ADAMTS12: variants seen among roughly 807,000 people sequenced by gnomAD.
ADAMTS12 encodes ADAM metallopeptidase with thrombospondin type 1 motif 12, also known as A disintegrin and metalloproteinase with thrombospondin motifs 12.
ADAMTS12 carries 118 observed loss-of-function variants against 167.8 expected under a neutral mutation model. The observed-to-expected ratio is 0.70, with a 90% CI of 0.61 to 0.82. ADAMTS12 has a LOEUF of 0.82. Ranked by LOEUF, ADAMTS12 falls within the 40% of genes least tolerant of loss-of-function variation. ADAMTS12 has a pLI of 0.00. For missense variants in ADAMTS12, 1,916 were observed against 1,998.8 expected (o/e 0.96, Z 0.79); for synonymous variants, 704 against 716.9 (o/e 0.98, Z 0.29).
rs199640412 is a variant in ADAMTS12 at position 33,849,366 on chromosome 5, A to AAT, written c.489+31751_489+31752dup. Among the ~76,000 whole-genome samples, 939 of 115,722 alleles carry AAT rather than the reference A, an allele frequency of 8.1e-3. 107 individuals are homozygous for AAT. The highest frequency in any genetic ancestry group is 0.027 in the African/African-American group (534 of 19,780). The allele number at this position is 115,722 out of a possible 152,430, so 75.9% of individuals were successfully genotyped here. A position where few individuals can be genotyped will look rare whatever the true frequency, so the allele number is the denominator to read the frequency against. On this transcript the variant is annotated intron_variant, in intron 2 of 23. Coordinates refer to ENST00000504830, the MANE Select transcript of ADAMTS12 (RefSeq NM_030955.4). ...GCAATATATATATGTATTGAATAGC[A>AAT]ATATATATATGTATTGCACAGCAAT... is the stretch of plus-strand genomic sequence containing the variant.
In ADAMTS12 at chr5:33,524,565, A is replaced by G. The variant is rs1743719258; in HGVS notation, c.*2623T>C. ...CTTCATATCAGCACCCAAGTATCAAAGATGTAAGATACCATGCAGGTTCCT... is the reference window on the plus strand; with the variant it reads ...CTTCATATCAGCACCCAAGTATCAAGGATGTAAGATACCATGCAGGTTCCT... On this transcript the variant is annotated 3_prime_UTR_variant, in exon 24 of 24. Transcript: ENST00000504830. The G allele has an allele frequency of 6.6e-6, 1 of 152,256 alleles. No homozygotes were observed. Among genetic ancestry groups the G allele is most frequent in the African/African-American group, 2.4e-5 (1 of 41,474 alleles). 9.4% of individuals were successfully genotyped at this position (152,256 alleles called of 1,614,324 possible).
chr5:33,547,869 T>G (rs935249403), intron 21 of ADAMTS12, among the ~76,000 whole-genome samples: 1 of 152,204 alleles, frequency 6.6e-6, no homozygotes, highest in Non-Finnish European at 1.5e-5. Context: ...AGCTGCTGCC[T>G]AAACAGGTCC....
intron 3 of ADAMTS12, among the ~76,000 whole-genome samples, chr5:33,730,450 TCTC>T (rs1482267502): frequency 2.0e-5 from 3 of 152,130 alleles, no homozygotes; most frequent in African/African-American, 4.8e-5. Context: ...CCCTGTGTCT[TCTC>T]CTCTTGTATG....
At chr5:33,889,235 G>A (rs1750757507) in intron 1 of ADAMTS12, among the ~76,000 whole-genome samples, 12 of 152,028 alleles carry the variant, frequency 7.9e-5, no homozygotes, top group Admixed American at 7.9e-4. Flanking sequence ...AATTGCTTAA[G>A]GCCAGGAGTT....
At chr5:33,720,576 T>C (rs116953056) in intron 3 of ADAMTS12, among the ~76,000 whole-genome samples, 1 of 152,158 alleles carries the variant, frequency 6.6e-6, no homozygotes, top group South Asian at 2.1e-4. Flanking sequence ...GAAGCTGAGG[T>C]GAGCAGCAAC....
At chr5:33,532,020 T>C (rs1744128067) in intron 23 of ADAMTS12, among the ~76,000 whole-genome samples, 1 of 152,210 alleles carries the variant, frequency 6.6e-6, no homozygotes, top group East Asian at 1.9e-4. Flanking sequence ...TGAAGGCTTG[T>C]TGTGTTCATT....
chr5:33,627,075 ATGGTGGTGGTAGTGG>A (rs1313965460), intron 13 of ADAMTS12, among the ~76,000 whole-genome samples: 1 of 124,030 alleles, frequency 8.1e-6, no homozygotes, highest in Non-Finnish European at 1.7e-5. Context: ...TGGTGATTTG[ATGGTGGTGGTAGTGG>A]TGGTGGTGGT....
intron 12 of ADAMTS12, among the ~76,000 whole-genome samples, chr5:33,631,605 A>G (rs1224125316): frequency 6.6e-6 from 1 of 152,216 alleles, no homozygotes; most frequent in African/African-American, 2.4e-5. Flanking sequence ...GATCTAGAGC[A>G]CAGGAACATT....
rs758276886 is a variant in ADAMTS12, at chr5:33,625,557, C to T, written c.2023-1206G>A. 8.9e-4 allele frequency among the ~76,000 whole-genome samples: 135 copies of T among 152,262 alleles called. 3 individuals are homozygous for T. The highest frequency in any genetic ancestry group is 3.4e-3 in the Middle Eastern group (1 of 294). Reference sequence around the variant, plus strand: ...TTAATTTTAAAGTATTTTCTTTAATCTCTACCAACAGGGAAATAGATATAA... The same window carrying T: ...TTAATTTTAAAGTATTTTCTTTAATTTCTACCAACAGGGAAATAGATATAA... On this transcript the variant is annotated intron_variant, in intron 13 of 23. Transcript: ENST00000504830.
At chr5:33,767,205 G>A (rs16891679) in intron 2 of ADAMTS12, among the ~76,000 whole-genome samples, 19,104 of 152,108 alleles carry the variant, frequency 0.13, 1,571 homozygotes, top group East Asian at 0.4. Flanking sequence ...CAACTTTGTA[G>A]AAATATATAG....
chr5:33,734,044 C>G (rs952292018), intron 3 of ADAMTS12, among the ~76,000 whole-genome samples: 6 of 137,636 alleles, frequency 4.4e-5, no homozygotes, highest in African/African-American at 1.6e-4. Flanking sequence ...CACACACACA[C>G]AGAGTAAGCT....
chr5:33,616,055 GC>G lies in ADAMTS12; in HGVS notation c.2160del (p.Leu721SerfsTer9), dbSNP rs750275457. ...ATGTCCCTTGCTCCTTTTGGAATGAGCCCAATGTCAACATAACCTAAAGAGA... is the reference window on the plus strand; with the variant it reads ...ATGTCCCTTGCTCCTTTTGGAATGAGCCAATGTCAACATAACCTAAAGAGA... ...QKEGSGYVDI[G>X]LIPKGARDIR... On this transcript the variant is annotated frameshift_variant, in exon 15 of 24. Coordinates refer to ENST00000504830, the MANE Select transcript of ADAMTS12 (RefSeq NM_030955.4). LOFTEE classifies it high-confidence loss of function. 56 of 1,613,854 alleles carry G rather than the reference GC, an allele frequency of 3.5e-5. No homozygotes were observed. Among genetic ancestry groups the G allele is most frequent in the Non-Finnish European group, 9.3e-6 (11 of 1,179,986 alleles).
chr5:33,530,506 C>T (rs900324516), intron 23 of ADAMTS12, among the ~76,000 whole-genome samples: 2 of 152,206 alleles, frequency 1.3e-5, no homozygotes, highest in African/African-American at 4.8e-5. Flanking sequence ...CCTGAAGTCT[C>T]TGTGGATGGA....
chr5:33,873,429 A>G (rs1162420146), intron 2 of ADAMTS12, among the ~76,000 whole-genome samples: 2 of 152,210 alleles, frequency 1.3e-5, no homozygotes, highest in Non-Finnish European at 2.9e-5. Flanking sequence ...CTATAAATAT[A>G]TGAAGAGATA....
Position 33,595,939 on chromosome 5 carries a change from T to A in ADAMTS12, c.2649A>T (p.Pro883=). ...RQKKCHEKAC[P]PRWWAGEWEA... ...CAGCTGTTAGCGATGGTTACCTGGGTGGACAAGCCTTTTCATGGCACTTCT... is the reference window on the plus strand; with the variant it reads ...CAGCTGTTAGCGATGGTTACCTGGGAGGACAAGCCTTTTCATGGCACTTCT... The change falls in exon 17 of 24, where the codon CCA becomes CCT. Residue 883 remains proline (P), a synonymous_variant. Coordinates refer to ENST00000504830, the MANE Select transcript of ADAMTS12 (RefSeq NM_030955.4). 6.2e-7 allele frequency: 1 copy of A among 1,614,088 alleles called. No individual in the cohort carries two copies. Among genetic ancestry groups the A allele is most frequent in the Non-Finnish European group, 8.5e-7 (1 of 1,179,940 alleles).
chr5:33,531,019 T>A (rs764873043), intron 23 of ADAMTS12, among the ~76,000 whole-genome samples: 17 of 152,100 alleles, frequency 1.1e-4, no homozygotes, highest in Non-Finnish European at 1.6e-4. Flanking sequence ...CTGAGTGGTG[T>A]CCTTATAAAA....
chr5:33,817,699 C>A (rs79612082), intron 2 of ADAMTS12, among the ~76,000 whole-genome samples: 2,342 of 152,092 alleles, frequency 0.015, 70 homozygotes, highest in African/African-American at 0.054. Context: ...TCCAAAAACA[C>A]AGATTCTCTT....
At chr5:33,580,974 G>T (rs1205537672) in intron 18 of ADAMTS12, among the ~76,000 whole-genome samples, 1 of 152,114 alleles carries the variant, frequency 6.6e-6, no homozygotes, top group African/African-American at 2.4e-5. Flanking sequence ...AATAACCCAG[G>T]ATTGCCATTC....
chr5:33,809,160 T>C (rs992026011), intron 2 of ADAMTS12, among the ~76,000 whole-genome samples: 6 of 152,228 alleles, frequency 3.9e-5, no homozygotes, highest in African/African-American at 1.4e-4. Context: ...ATTCTCAAAC[T>C]GTAATGAGCA....
Sources: gnomAD v4.1 joint callset for allele counts (sites outside exome capture counted in the v4.1 genomes callset) on GRCh38, gnomAD v4.1.1 for gene constraint, MANE v1.5 for transcripts, NCBI Gene and HGNC (gene_info 2026-07-23, HGNC 2026-07-21) for gene names.